The following LYPLAL1 variants were observed in gnomAD, a reference collection of about 807,000 sequenced individuals.
LYPLAL1 encodes lysophospholipase-like protein 1.
In LYPLAL1, 23 loss-of-function variants were observed where a neutral mutation model predicts 19.7. That is an observed-to-expected ratio of 1.17 (90% CI 0.84 to 1.65). The LOEUF is 1.65. LYPLAL1 is among the 40% of genes most tolerant of loss of function. The pLI is 0.00. For synonymous variants in LYPLAL1, 119 were observed against 96.3 expected, an observed-to-expected ratio of 1.24 and a Z score of -1.38; for missense variants, 355 against 279.4, an observed-to-expected ratio of 1.27 and a Z score of -1.93.
At chr1:219,375,088 C>G in the LYPLAL1 span, among the ~76,000 whole-genome samples, 2 of 152,186 alleles carry the variant, frequency 1.3e-5, no homozygotes, top group South Asian at 4.1e-4. Context: ...GTAATGCCAG[C>G]CTAATAGCTG....
the LYPLAL1 span, among the ~76,000 whole-genome samples, chr1:219,323,682 A>C: frequency 6.6e-6 from 1 of 152,210 alleles, no homozygotes; most frequent in Non-Finnish European, 1.5e-5. Flanking sequence ...AACAATGTAT[A>C]GTATAAGCCT....
At chr1:219,428,691 A>G in the LYPLAL1 span, among the ~76,000 whole-genome samples, 3 of 152,244 alleles carry the variant, frequency 2.0e-5, no homozygotes, top group Non-Finnish European at 4.4e-5. Flanking sequence ...TTAGAATTCA[A>G]CAGCTTAATA....
At chr1:219,280,178 T>C in the LYPLAL1 span, among the ~76,000 whole-genome samples, 4 of 152,230 alleles carry the variant, frequency 2.6e-5, no homozygotes, top group African/African-American at 9.6e-5. Flanking sequence ...TTTAGAGCCA[T>C]GCTGACTGCA....
At chr1:219,195,849 G>A (rs766498956) in intron 3 of LYPLAL1, among the ~76,000 whole-genome samples, 82 of 151,770 alleles carry the variant, frequency 5.4e-4, no homozygotes, top group Non-Finnish European at 5.9e-4. Flanking sequence ...CCCTCTCACC[G>A]CCTCCCTGAC....
At chr1:219,240,520 C>A in the LYPLAL1 span, among the ~76,000 whole-genome samples, 3 of 151,996 alleles carry the variant, frequency 2.0e-5, no homozygotes, top group African/African-American at 7.2e-5. Context: ...ATTTCCCTTC[C>A]CATTTATGGT....
chr1:219,213,685 T>G (rs1659186989), downstream of LYPLAL1, among the ~76,000 whole-genome samples: 1 of 152,082 alleles, frequency 6.6e-6, no homozygotes, highest in Admixed American at 6.6e-5. Flanking sequence ...ATAAGTGGTT[T>G]GTACTATTTT....
At chr1:219,345,383 G>A in the LYPLAL1 span, among the ~76,000 whole-genome samples, 1 of 152,162 alleles carries the variant, frequency 6.6e-6, no homozygotes, top group East Asian at 1.9e-4. Context: ...ACATGAAGCT[G>A]CCTCTGTTTT....
At chr1:219,372,812 G>A in the LYPLAL1 span, among the ~76,000 whole-genome samples, 2 of 152,062 alleles carry the variant, frequency 1.3e-5, no homozygotes, top group Non-Finnish European at 2.9e-5. Context: ...GCTGAGGTGG[G>A]AGGATCACCT....
chr1:219,285,012 A>G, the LYPLAL1 span, among the ~76,000 whole-genome samples: 1 of 152,246 alleles, frequency 6.6e-6, no homozygotes, highest in Non-Finnish European at 1.5e-5. Context: ...TAACACTTAA[A>G]AATTATACAG....
At chr1:219,247,230 G>A in the LYPLAL1 span, among the ~76,000 whole-genome samples, 2 of 152,072 alleles carry the variant, frequency 1.3e-5, no homozygotes, top group African/African-American at 4.8e-5. Flanking sequence ...GTCAATAAAT[G>A]TTCATTCCTT....
At chr1:219,235,870 G>A in the LYPLAL1 span, among the ~76,000 whole-genome samples, 35 of 152,144 alleles carry the variant, frequency 2.3e-4, no homozygotes, top group Admixed American at 2.3e-3. Flanking sequence ...CATTATCCAG[G>A]AGAGGACCAA....
the LYPLAL1 span, among the ~76,000 whole-genome samples, chr1:219,276,072 A>C: frequency 6.6e-6 from 1 of 152,210 alleles, no homozygotes; most frequent in Non-Finnish European, 1.5e-5. Flanking sequence ...AATAATGTTT[A>C]CTGCAGCTCC....
the LYPLAL1 span, among the ~76,000 whole-genome samples, chr1:219,416,630 A>C: frequency 1.3e-5 from 2 of 152,158 alleles, no homozygotes; most frequent in Non-Finnish European, 2.9e-5. Context: ...GATCAATGCA[A>C]ATTGAGGGGT....
chr1:219,236,917 C>T, the LYPLAL1 span, among the ~76,000 whole-genome samples: 1 of 152,168 alleles, frequency 6.6e-6, no homozygotes, highest in East Asian at 1.9e-4. Context: ...CCCCACACCC[C>T]TTGACAGGCC....
the LYPLAL1 span, among the ~76,000 whole-genome samples, chr1:219,435,635 G>A: frequency 2.9e-4 from 44 of 152,014 alleles, no homozygotes; most frequent in Non-Finnish European, 4.0e-4. Context: ...GACCAGCCTG[G>A]CCAACATAGT....
chr1:219,358,620 G>T, the LYPLAL1 span, among the ~76,000 whole-genome samples: 1 of 152,056 alleles, frequency 6.6e-6, no homozygotes, highest in Non-Finnish European at 1.5e-5. Context: ...AAAGGGGGAA[G>T]CACCCCTTAT....
chr1:219,353,664 A>T, the LYPLAL1 span, among the ~76,000 whole-genome samples: 4 of 152,334 alleles, frequency 2.6e-5, no homozygotes, highest in African/African-American at 9.6e-5. Flanking sequence ...GCCTACTCAA[A>T]TAAAATTCAA....
intron 4 of LYPLAL1, 22 bp downstream of exon 4, chr1:219,210,669 A>T (rs1658956343): frequency 6.3e-7 from 1 of 1,575,330 alleles, no homozygotes; most frequent in South Asian, 1.2e-5. Context: ...ATTTAAAAAA[A>T]AATGAAAAAA....
At chr1:219,191,300 A>G (rs374687844) in intron 2 of LYPLAL1, among the ~76,000 whole-genome samples, 1 of 151,616 alleles carries the variant, frequency 6.6e-6, no homozygotes, top group East Asian at 1.9e-4. Context: ...ACACGTATGC[A>G]TATGTTTAAT....
Sources: allele counts gnomAD v4.1 joint callset (sites outside exome capture counted in the v4.1 genomes callset), GRCh38; gene constraint gnomAD v4.1.1; transcripts MANE v1.5; gene names NCBI Gene and HGNC (gene_info 2026-07-23, HGNC 2026-07-21).